The following FRMD4A variants were observed in gnomAD, a reference collection of about 807,000 sequenced individuals.
FRMD4A encodes FERM domain containing 4A, also known as FERM domain-containing protein 4A.
Under a neutral mutation model 129.1 loss-of-function variants are expected in FRMD4A, and 29 were observed. The observed-to-expected ratio is 0.22, with a 90% CI of 0.17 to 0.31. The LOEUF (loss-of-function observed/expected upper bound fraction) is 0.31. Among genes scored for constraint, FRMD4A ranks in the 10% least tolerant of loss-of-function variants. The pLI is 1.00. For missense variants in FRMD4A, 1,272 were observed against 1,375.8 expected, an observed-to-expected ratio of 0.92 and a Z score of 1.19; for synonymous variants, 634 against 571.6, an observed-to-expected ratio of 1.11 and a Z score of -1.56.
At chr10:14,302,063 A>G (rs1846203538) in intron 2 of FRMD4A, among the ~76,000 whole-genome samples, 1 of 152,226 alleles carries the variant, frequency 6.6e-6, no homozygotes, top group African/African-American at 2.4e-5. Context: ...AATAAATCCC[A>G]TCGTAATGGA....
intron 2 of FRMD4A, among the ~76,000 whole-genome samples, chr10:14,323,114 G>A (rs1218436): frequency 0.82 from 125,248 of 152,228 alleles, 51,721 homozygotes; most frequent in Non-Finnish European, 0.84. Flanking sequence ...TTCTAAAAGC[G>A]TTAGCTGATT....
chr10:13,750,201 A>G (rs59894854), intron 8 of FRMD4A, among the ~76,000 whole-genome samples: 102,729 of 150,958 alleles, frequency 0.68, 35,931 homozygotes, highest in East Asian at 0.96. Flanking sequence ...GTGAATCCTG[A>G]CCATGACCAA....
At chr10:13,702,714 CA>C (rs2086963201) in intron 13 of FRMD4A, among the ~76,000 whole-genome samples, 1 of 151,984 alleles carries the variant, frequency 6.6e-6, no homozygotes, top group Non-Finnish European at 1.5e-5. Flanking sequence ...CAAACAATAA[CA>C]TTTTTTTTCA....
At chr10:14,021,202 T>C (rs1460607618) in intron 2 of FRMD4A, among the ~76,000 whole-genome samples, 2 of 151,968 alleles carry the variant, frequency 1.3e-5, no homozygotes, top group Non-Finnish European at 2.9e-5. Context: ...GGGATGTGTA[T>C]ATAGGTGGGG....
intron 2 of FRMD4A, among the ~76,000 whole-genome samples, chr10:14,086,023 A>T (rs930230052): frequency 3.0e-4 from 45 of 152,178 alleles, no homozygotes; most frequent in African/African-American, 1.0e-3. Flanking sequence ...TTTTCAGAGC[A>T]CTGTTTCCTA....
intron 2 of FRMD4A, among the ~76,000 whole-genome samples, chr10:13,993,937 T>C (rs2095612887): frequency 6.6e-6 from 1 of 151,940 alleles, no homozygotes; most frequent in Admixed American, 6.6e-5. Context: ...GTTTTTTTTG[T>C]AGCAAGATGT....
At chr10:14,227,801 T>C (rs1843497122) in intron 2 of FRMD4A, among the ~76,000 whole-genome samples, 1 of 152,204 alleles carries the variant, frequency 6.6e-6, no homozygotes, top group African/African-American at 2.4e-5. Flanking sequence ...TAGTAGGTGT[T>C]GACCAGCATT....
At chr10:14,205,997 C>T (rs919128009) in intron 2 of FRMD4A, among the ~76,000 whole-genome samples, 12 of 152,014 alleles carry the variant, frequency 7.9e-5, no homozygotes, top group African/African-American at 2.9e-4. Context: ...ATGGCATATT[C>T]TGGAGGGAGC....
intron 2 of FRMD4A, among the ~76,000 whole-genome samples, chr10:14,271,725 T>C (rs573531762): frequency 6.6e-6 from 1 of 152,352 alleles, no homozygotes; most frequent in Non-Finnish European, 1.5e-5. Context: ...TCTTATTTAA[T>C]GACTGGCATC....
intron 2 of FRMD4A, among the ~76,000 whole-genome samples, chr10:14,039,373 T>G (rs1833657507): frequency 9.3e-6 from 1 of 108,020 alleles, no homozygotes; most frequent in Non-Finnish European, 1.9e-5. Flanking sequence ...CGTCCGTCCA[T>G]CCATCCATCC....
At chr10:13,892,028 C>T (rs2094705283) in intron 2 of FRMD4A, among the ~76,000 whole-genome samples, 1 of 91,360 alleles carries the variant, frequency 1.1e-5, no homozygotes, top group Non-Finnish European at 2.3e-5. Context: ...CGCGCCCCCG[C>T]CCCCCCAGAA....
intron 2 of FRMD4A, among the ~76,000 whole-genome samples, chr10:13,988,983 T>C (rs993718061): frequency 3.3e-5 from 5 of 152,206 alleles, no homozygotes; most frequent in African/African-American, 9.7e-5. Context: ...GATTCCATTA[T>C]AAACTGACGC....
At chr10:13,761,718 A>G (rs749199853) in intron 7 of FRMD4A, 49 bp from the exon 8 acceptor site, 1 of 1,307,364 alleles carries the variant, frequency 7.6e-7, no homozygotes, top group South Asian at 1.2e-5. Flanking sequence ...AGCCAATGTT[A>G]GAGACTCTAA....
At chr10:14,329,446 G>GA (rs140578373) in intron 2 of FRMD4A, among the ~76,000 whole-genome samples, 3,108 of 152,222 alleles carry the variant, frequency 0.02, 112 homozygotes, top group African/African-American at 0.071. Flanking sequence ...GAAAATTCCA[G>GA]AGGGGCATAA....
intron 2 of FRMD4A, among the ~76,000 whole-genome samples, chr10:14,028,691 C>T (rs191237960): frequency 3.9e-5 from 6 of 152,282 alleles, no homozygotes; most frequent in Admixed American, 3.3e-4. Flanking sequence ...TGACACATTG[C>T]ACGCTTGTAT....
chr10:14,032,244 CAGCAAA>C (rs1238341869), intron 2 of FRMD4A, among the ~76,000 whole-genome samples: 2 of 152,176 alleles, frequency 1.3e-5, no homozygotes, highest in East Asian at 3.8e-4. Context: ...AGTAATCTGT[CAGCAAA>C]TAACATATAT....
chr10:13,656,948 C>G lies in FRMD4A; in HGVS notation c.2641G>C (p.Glu881Gln), dbSNP rs2082210076. Residue 881 changes from glutamate (E) to glutamine (Q), a missense_variant, in exon 22 of 25, where the codon GAG becomes CAG. Transcript: ENST00000357447. ...TCGCCGCCGCCGCCGCGCCAGCTCT[C>G]CTTGAACAGGCCGCCCGCCGTGTAG... Reference protein sequence around the residue: ...NSYTAGGLFKESWRGGGGDEG... With the variant: ...NSYTAGGLFKQSWRGGGGDEG... The G allele has an allele frequency of 6.5e-7, 1 of 1,532,604 alleles. No homozygotes were observed. The highest frequency in any genetic ancestry group is 8.7e-7 in the Non-Finnish European group (1 of 1,147,056). 94.9% of individuals were successfully genotyped at this position (1,532,604 alleles called of 1,614,324 possible).
chr10:14,023,761 AG>A (rs1832867005), intron 2 of FRMD4A, among the ~76,000 whole-genome samples: 1 of 152,246 alleles, frequency 6.6e-6, no homozygotes, highest in Non-Finnish European at 1.5e-5. Context: ...TCACAGGAAT[AG>A]AAGTGTCCTT....
chr10:14,051,841 G>T (rs1219960342), intron 2 of FRMD4A, among the ~76,000 whole-genome samples: 4 of 152,244 alleles, frequency 2.6e-5, no homozygotes, highest in Non-Finnish European at 5.9e-5. Flanking sequence ...CCAGGTAGCT[G>T]CTGAGAGATC....
Sources: allele counts gnomAD v4.1 joint callset (sites outside exome capture counted in the v4.1 genomes callset), GRCh38; gene constraint gnomAD v4.1.1; transcripts MANE v1.5; gene names NCBI Gene and HGNC (gene_info 2026-07-23, HGNC 2026-07-21).